Variants in PDSS1 observed in about 807,000 individuals in gnomAD.
The protein encoded by PDSS1 is all trans-polyprenyl-diphosphate synthase PDSS1.
A neutral mutation model predicts 57.5 loss-of-function variants in PDSS1; 43 were observed. That is an observed-to-expected ratio of 0.75 (90% confidence interval 0.59 to 0.96). The LOEUF (loss-of-function observed/expected upper bound fraction) is 0.96. Among genes scored for constraint, PDSS1 ranks in the 50% least tolerant of loss-of-function variants. The pLI is 0.00. For missense variants in PDSS1, 438 were observed against 527.8 expected (o/e 0.83, Z 1.67); for synonymous variants, 175 against 191.3 (o/e 0.91, Z 0.70).
intron 8 of PDSS1, 64 bp from the exon 9 acceptor site, chr10:26,735,176 C>A: frequency 9.0e-7 from 1 of 1,109,372 alleles, no homozygotes; most frequent in African/African-American, 1.5e-5. Flanking sequence ...TTCCTTCAGC[C>A]AGGGGTCAGC....
At chr10:26,731,474 C>G (rs1394471840) in intron 8 of PDSS1, among the ~76,000 whole-genome samples, 1 of 152,194 alleles carries the variant, frequency 6.6e-6, no homozygotes, top group Non-Finnish European at 1.5e-5. Context: ...TTTACAATTA[C>G]AAACACTACT....
intron 10 of PDSS1, among the ~76,000 whole-genome samples, chr10:26,738,043 T>C (rs905396742): frequency 1.3e-5 from 2 of 152,248 alleles, no homozygotes; most frequent in Non-Finnish European, 2.9e-5. Flanking sequence ...GCCAAGTATG[T>C]ATTTATAAGT....
rs1835912067 is a variant in PDSS1, at chr10:26,725,222, C to T, written c.831+1099C>T. On this transcript the variant is annotated intron_variant, in intron 8 of 11. Coordinates refer to ENST00000376215, the MANE Select transcript of PDSS1 (RefSeq NM_014317.5). Reference sequence around the variant, plus strand: ...CAAAATAAGGAAGACCTGTAAGGGTCGCATGTCAATTGCTGTCATGATAGA... The same window carrying T: ...CAAAATAAGGAAGACCTGTAAGGGTTGCATGTCAATTGCTGTCATGATAGA... Among the ~76,000 whole-genome samples the T allele has an allele frequency of 2.6e-5, 4 of 152,228 alleles. No homozygotes were observed. The South Asian group carries it at 8.3e-4, about 32-fold the overall frequency.
chr10:26,730,625 A>T (rs1588698079), intron 8 of PDSS1, among the ~76,000 whole-genome samples: 1 of 102,502 alleles, frequency 9.8e-6, no homozygotes, highest in South Asian at 2.3e-4. Context: ...TAATAATAAT[A>T]AAAAAAATAA....
chr10:26,722,427 G>A (rs747113397), intron 6 of PDSS1, among the ~76,000 whole-genome samples: 3 of 152,100 alleles, frequency 2.0e-5, no homozygotes, highest in South Asian at 2.1e-4. Context: ...ACTTACGGCT[G>A]GGTGTGGTGG....
At chr10:26,732,693 G>A (rs57066556) in intron 8 of PDSS1, among the ~76,000 whole-genome samples, 6,308 of 152,246 alleles carry the variant, frequency 0.041, 312 homozygotes, top group African/African-American at 0.11. Flanking sequence ...CATAGTGGAC[G>A]CTCAGAAATT....
In PDSS1 at chr10:26,735,379, C is replaced by T. The variant is rs376937544; in HGVS notation, c.912+59C>T. ...GTAGTGATACAGTCAGCATTCTCCC[C>T]TAGTGTGTAATCGTCAAAATAGTAA... On this transcript the variant is annotated intron_variant, in intron 9 of 11. Coordinates refer to ENST00000376215, the MANE Select transcript of PDSS1 (RefSeq NM_014317.5). The T allele has an allele frequency of 2.2e-6, 3 of 1,383,048 alleles. No homozygotes were observed. The African/African-American group carries it at 4.3e-5, about 20-fold the overall frequency. 85.7% of individuals were successfully genotyped at this position (1,383,048 alleles called of 1,614,324 possible).
At chr10:26,719,273 A>G (rs1236368986) in intron 5 of PDSS1, among the ~76,000 whole-genome samples, 1 of 152,248 alleles carries the variant, frequency 6.6e-6, no homozygotes, top group East Asian at 1.9e-4. Context: ...AATAATGATT[A>G]AAATGAAATG....
At chr10:26,735,663 C>A in intron 10 of PDSS1, 84 bp downstream of exon 10, 1 of 801,546 alleles carries the variant, frequency 1.2e-6, no homozygotes, top group Non-Finnish European at 2.2e-6. Flanking sequence ...GGGAAGATTG[C>A]ATAAAGGAAT....
chr10:26,707,334 T>C (rs1459025892), intron 4 of PDSS1, among the ~76,000 whole-genome samples: 1 of 152,162 alleles, frequency 6.6e-6, no homozygotes, highest in Non-Finnish European at 1.5e-5. Context: ...TTCAGGTTTT[T>C]GTATCTATTG....
At chr10:26,699,551 C>G (rs1211985882) in intron 1 of PDSS1, among the ~76,000 whole-genome samples, 1 of 151,882 alleles carries the variant, frequency 6.6e-6, no homozygotes, top group East Asian at 1.9e-4. Flanking sequence ...TACACCACGA[C>G]CCCCAGCTAA....
At chr10:26,717,229 TC>T (rs1348497769) in intron 5 of PDSS1, among the ~76,000 whole-genome samples, 10 of 152,152 alleles carry the variant, frequency 6.6e-5, no homozygotes, top group African/African-American at 2.4e-4. Context: ...CATTTTTTAT[TC>T]TATTTATTTA....
At chr10:26,723,761 G>T in intron 6 of PDSS1, 45 bp from the exon 7 acceptor site, 2 of 1,339,006 alleles carry the variant, frequency 1.5e-6, no homozygotes, top group South Asian at 2.3e-5. Flanking sequence ...CTACTGCTCT[G>T]ATGGATTTTT....
At chr10:26,707,007 A>T (rs892375454) in intron 4 of PDSS1, among the ~76,000 whole-genome samples, 29 of 106,770 alleles carry the variant, frequency 2.7e-4, no homozygotes, top group Non-Finnish European at 6.2e-4. Context: ...GACCTGAGAG[A>T]AAGTGTGTGG....
At chr10:26,726,682 C>A (rs1398276262) in intron 8 of PDSS1, among the ~76,000 whole-genome samples, 42 of 152,064 alleles carry the variant, frequency 2.8e-4, no homozygotes, top group Non-Finnish European at 1.5e-5. Flanking sequence ...TCTTCATCTC[C>A]CTTCCTTTTT....
chr10:26,720,060 G>A, intron 5 of PDSS1, 158 bp from the exon 6 acceptor site: 3 of 964,514 alleles, frequency 3.1e-6, no homozygotes, highest in Non-Finnish European at 4.7e-6. Context: ...ATTTGTAAAT[G>A]TATAGAAATG....
At chr10:26,703,864 GAGGTC>G (rs1835120844) in intron 2 of PDSS1, among the ~76,000 whole-genome samples, 1 of 99,716 alleles carries the variant, frequency 1.0e-5, no homozygotes, top group East Asian at 1.1e-3. Flanking sequence ...GGCGGATCAT[GAGGTC>G]AGGAGATCGA....
intron 6 of PDSS1, among the ~76,000 whole-genome samples, chr10:26,722,866 A>T (rs1588689758): frequency 6.6e-6 from 1 of 151,982 alleles, no homozygotes; most frequent in East Asian, 1.9e-4. Context: ...AAGACTGGAA[A>T]TATGTTGATT....
chr10:26,717,220 A>ATTTTTTTTTTTT (rs1564423640), intron 5 of PDSS1, among the ~76,000 whole-genome samples: 5 of 152,150 alleles, frequency 3.3e-5, no homozygotes, highest in African/African-American at 7.2e-5. Context: ...GCAAAATGAC[A>ATTTTTTTTTTTT]TTTTTTATTC....
Sources: gnomAD v4.1 joint callset for allele counts (sites outside exome capture counted in the v4.1 genomes callset) on GRCh38, gnomAD v4.1.1 for gene constraint, MANE v1.5 for transcripts, NCBI Gene and HGNC (gene_info 2026-07-23, HGNC 2026-07-21) for gene names.